The following ADGRV1 variants were observed in gnomAD, a reference collection of about 807,000 sequenced individuals.
The protein encoded by ADGRV1 is adhesion G protein-coupled receptor V1.
A neutral mutation model predicts 596.2 loss-of-function variants in ADGRV1; 359 were observed. The ratio of observed to expected loss-of-function variants is 0.60; its 90% CI spans 0.55 to 0.66. The LOEUF (loss-of-function observed/expected upper bound fraction) is 0.66, where lower values mean the gene tolerates loss of function less well. ADGRV1 is among the 30% of genes least tolerant of loss of function. The probability of loss-of-function intolerance (pLI) is 0.00; values close to 1 mark genes in which losing one functional copy is unlikely to be tolerated. For synonymous variants in ADGRV1, 2,681 were observed against 2,679.2 expected (o/e 1.00, Z -0.02); for missense variants, 7,274 against 7,575.6 (o/e 0.96, Z 1.48).
chr5:91,083,326 G>A (rs1789579238), intron 86 of ADGRV1, among the ~76,000 whole-genome samples: 2 of 151,962 alleles, frequency 1.3e-5, no homozygotes, highest in Non-Finnish European at 2.9e-5. Flanking sequence ...CACCAACATG[G>A]CACATGTATA....
At chr5:90,914,206 A>G (rs1294417030) in intron 83 of ADGRV1, among the ~76,000 whole-genome samples, 1 of 152,188 alleles carries the variant, frequency 6.6e-6, no homozygotes, top group Admixed American at 6.5e-5. Context: ...AAATGCTCCA[A>G]TGAACATGTC....
At chr5:90,702,336 A>G (rs917442374) in intron 34 of ADGRV1, among the ~76,000 whole-genome samples, 2 of 151,986 alleles carry the variant, frequency 1.3e-5, no homozygotes, top group African/African-American at 4.8e-5. Flanking sequence ...AAACTAAGAC[A>G]TAGTCTACTA....
intron 87 of ADGRV1, among the ~76,000 whole-genome samples, chr5:91,118,286 G>C (rs1459822041): frequency 6.6e-6 from 1 of 152,014 alleles, no homozygotes; most frequent in Admixed American, 6.6e-5. Flanking sequence ...TGTTGAAAAG[G>C]CCTTGGGGGA....
chr5:91,145,130 G>A (rs1795423688), intron 87 of ADGRV1, among the ~76,000 whole-genome samples: 1 of 152,102 alleles, frequency 6.6e-6, no homozygotes, highest in Non-Finnish European at 1.5e-5. Flanking sequence ...TCCATTTTAA[G>A]CATTTGTGTT....
At chr5:90,814,238 G>T (rs1424353777) in intron 74 of ADGRV1, among the ~76,000 whole-genome samples, 1 of 152,194 alleles carries the variant, frequency 6.6e-6, no homozygotes, top group Non-Finnish European at 1.5e-5. Context: ...CCCATCACTT[G>T]CATGTCCCTA....
In ADGRV1 at chr5:91,003,552, C is replaced by T. The variant is rs1314847622; in HGVS notation, c.18152+18030C>T. Among the ~76,000 whole-genome samples the T allele has an allele frequency of 3.9e-5, 6 of 152,094 alleles. No homozygotes were observed. In the East Asian group the frequency reaches 5.8e-4, roughly 15 times the overall value. On this transcript the variant is annotated intron_variant, in intron 85 of 89. Transcript: ENST00000405460. ...TGTTCAGTTCTAGAAATAGAAATGA[C>T]GAGATCCCAGGAGAAAACATCTCGC...
intron 1 of ADGRV1, among the ~76,000 whole-genome samples, chr5:90,595,153 G>A (rs1183680499): frequency 1.4e-4 from 15 of 108,894 alleles, no homozygotes; most frequent in African/African-American, 1.6e-4. Flanking sequence ...GCGGCTGGCC[G>A]GGTGGGGGGC....
chr5:91,161,555 A>G (rs1032058430), intron 89 of ADGRV1, among the ~76,000 whole-genome samples: 23 of 131,168 alleles, frequency 1.8e-4, no homozygotes, highest in African/African-American at 5.2e-4. Context: ...GATTTTTTTG[A>G]TGTGAAATGT....
intron 1 of ADGRV1, among the ~76,000 whole-genome samples, chr5:90,611,756 T>C (rs1762754363): frequency 6.6e-6 from 1 of 151,986 alleles, no homozygotes; most frequent in African/African-American, 2.4e-5. Flanking sequence ...GATTTAAGAC[T>C]TATGTGCTGT....
intron 1 of ADGRV1, among the ~76,000 whole-genome samples, chr5:90,594,811 A>AG (rs1408438354): frequency 6.6e-5 from 10 of 150,906 alleles, no homozygotes; most frequent in Admixed American, 5.9e-4. Flanking sequence ...GTAAGGTCAC[A>AG]GATCAACAGG....
At chr5:90,559,501 A>G (rs957170464) in intron 1 of ADGRV1, among the ~76,000 whole-genome samples, 2 of 152,184 alleles carry the variant, frequency 1.3e-5, no homozygotes, top group South Asian at 2.1e-4. Context: ...CAAATTTTTA[A>G]TTTTAAAAAC....
intron 52 of ADGRV1, among the ~76,000 whole-genome samples, chr5:90,749,173 A>T (rs1343721102): frequency 6.6e-6 from 1 of 152,224 alleles, no homozygotes; most frequent in Non-Finnish European, 1.5e-5. Flanking sequence ...ACATACAATT[A>T]CTGTTATTCA....
chr5:91,058,602 A>G (rs1787119436), intron 85 of ADGRV1, among the ~76,000 whole-genome samples: 1 of 151,916 alleles, frequency 6.6e-6, no homozygotes, highest in Non-Finnish European at 1.5e-5. Flanking sequence ...TGCTAACACC[A>G]CTGGCCAGAC....
intron 86 of ADGRV1, among the ~76,000 whole-genome samples, chr5:91,077,083 G>A (rs573829837): frequency 6.6e-6 from 1 of 152,122 alleles, no homozygotes; most frequent in African/African-American, 2.4e-5. Context: ...AGTTAAGGTG[G>A]TACTGTAAAT....
chr5:90,604,330 A>G (rs1323966515), intron 1 of ADGRV1, among the ~76,000 whole-genome samples: 1 of 152,152 alleles, frequency 6.6e-6, no homozygotes, highest in African/African-American at 2.4e-5. Flanking sequence ...CAAATAATTC[A>G]TTTAGAAAGC....
rs567420966 is a variant in ADGRV1, at chr5:90,673,184, A to G, written c.4929+462A>G. 1.7e-3 allele frequency among the ~76,000 whole-genome samples: 264 copies of G among 152,218 alleles called. 1 individual carries two copies. Among genetic ancestry groups the G allele is most frequent in the Non-Finnish European group, 1.7e-3 (117 of 68,000 alleles). ...GATTAATTGCTTGTGCTGGACTCCT[A>G]AGGCCCATTATGAATCTATTTTCTA... On this transcript the variant is annotated intron_variant, in intron 22 of 89. Coordinates refer to ENST00000405460, the MANE Select transcript of ADGRV1 (RefSeq NM_032119.4).
chr5:90,979,728 A>T (rs1469566390), intron 84 of ADGRV1, among the ~76,000 whole-genome samples: 1 of 152,190 alleles, frequency 6.6e-6, no homozygotes, highest in Non-Finnish European at 1.5e-5. Flanking sequence ...TGCAATAATC[A>T]ATCACAGTGT....
At chr5:90,770,746 A>C (rs1229908444) in intron 59 of ADGRV1, among the ~76,000 whole-genome samples, 1 of 152,220 alleles carries the variant, frequency 6.6e-6, no homozygotes, top group Non-Finnish European at 1.5e-5. Flanking sequence ...GTACAGAAGG[A>C]TGTAGAAAAA....
chr5:91,104,936 T>C (rs1378342460), intron 87 of ADGRV1, among the ~76,000 whole-genome samples: 1 of 147,916 alleles, frequency 6.8e-6, no homozygotes, highest in Non-Finnish European at 1.5e-5. Flanking sequence ...CTCAGCTCAC[T>C]GCAACCTCCA....
Sources: gnomAD v4.1 joint callset for allele counts (sites outside exome capture counted in the v4.1 genomes callset) on GRCh38, gnomAD v4.1.1 for gene constraint, MANE v1.5 for transcripts, NCBI Gene and HGNC (gene_info 2026-07-23, HGNC 2026-07-21) for gene names.